The following TSGA10 variants were observed in gnomAD, a reference collection of about 807,000 sequenced individuals.
The protein encoded by TSGA10 is testis-specific gene 10 protein.
TSGA10 carries 43 observed loss-of-function variants against 96.6 expected under a neutral mutation model. That is an observed-to-expected ratio of 0.44 (90% confidence interval 0.35 to 0.57). TSGA10 has a LOEUF of 0.57. Among genes scored for constraint, TSGA10 ranks in the 20% least tolerant of loss-of-function variants. The pLI is 0.01. For synonymous variants in TSGA10, 229 were observed against 269.9 expected, an observed-to-expected ratio of 0.85 and a Z score of 1.48; for missense variants, 703 against 834.4, an observed-to-expected ratio of 0.84 and a Z score of 1.94.
intron 16 of TSGA10, among the ~76,000 whole-genome samples, chr2:99,059,049 AATATAT>A (rs58675400): frequency 2.2e-5 from 3 of 136,400 alleles, no homozygotes; most frequent in Non-Finnish European, 4.6e-5. Flanking sequence ...AAAAAAAAAT[AATATAT>A]ATATATATAT....
intron 16 of TSGA10, among the ~76,000 whole-genome samples, chr2:99,045,339 G>A (rs565585457): frequency 6.6e-6 from 1 of 152,104 alleles, no homozygotes; most frequent in Non-Finnish European, 1.5e-5. Context: ...AGAAAGAAAG[G>A]TCGGGTTACC....
intron 20 of TSGA10, among the ~76,000 whole-genome samples, chr2:99,012,152 CA>C (rs1273546264): frequency 6.6e-6 from 1 of 152,090 alleles, no homozygotes; most frequent in Non-Finnish European, 1.5e-5. Context: ...ACCAGCACTA[CA>C]AGAACTGTTT....
chr2:99,003,774 C>T (rs149725084), intron 20 of TSGA10, among the ~76,000 whole-genome samples: 2,637 of 152,190 alleles, frequency 0.017, 108 homozygotes, highest in South Asian at 0.16. Context: ...CACAACATAC[C>T]AGAATATCTG....
intron 16 of TSGA10, among the ~76,000 whole-genome samples, chr2:99,063,639 C>A (rs1343689295): frequency 2.0e-5 from 3 of 151,684 alleles, no homozygotes; most frequent in Middle Eastern, 3.4e-3. Context: ...CCCATCTCTA[C>A]TAAATACAAA....
At chr2:99,008,099 C>G (rs1163100857) in intron 20 of TSGA10, among the ~76,000 whole-genome samples, 1 of 152,006 alleles carries the variant, frequency 6.6e-6, no homozygotes, top group Non-Finnish European at 1.5e-5. Context: ...TAAAAATATA[C>G]AAGTACTAAA....
At chr2:99,086,328 G>A (rs2088379747) in intron 10 of TSGA10, among the ~76,000 whole-genome samples, 1 of 152,172 alleles carries the variant, frequency 6.6e-6, no homozygotes, top group Non-Finnish European at 1.5e-5. Context: ...GCATAAACAT[G>A]TATGTTAAAA....
chr2:99,075,065 A>T (rs1054413530), intron 12 of TSGA10, among the ~76,000 whole-genome samples: 1 of 152,150 alleles, frequency 6.6e-6, no homozygotes, highest in Non-Finnish European at 1.5e-5. Flanking sequence ...CTCTAGAAAC[A>T]TTGTAAAGTA....
intron 10 of TSGA10, among the ~76,000 whole-genome samples, chr2:99,087,215 A>AT (rs201205791): frequency 0.017 from 2,628 of 151,272 alleles, 86 homozygotes; most frequent in African/African-American, 0.059. Context: ...AAAAAAAAAA[A>AT]TTTTTTTTAG....
chr2:99,014,169 A>G (rs1233144519), intron 20 of TSGA10, among the ~76,000 whole-genome samples: 2 of 151,162 alleles, frequency 1.3e-5, no homozygotes, highest in Admixed American at 1.3e-4. Flanking sequence ...AAATAAATAA[A>G]TAAATAAAAA....
intron 20 of TSGA10, among the ~76,000 whole-genome samples, chr2:99,006,037 T>A (rs1233594594): frequency 2.0e-5 from 3 of 152,120 alleles, no homozygotes; most frequent in Non-Finnish European, 4.4e-5. Flanking sequence ...AAACAAGAAA[T>A]GGGGAAAGGA....
chr2:99,092,143 T>C (rs778675624), intron 10 of TSGA10, among the ~76,000 whole-genome samples: 3 of 152,082 alleles, frequency 2.0e-5, no homozygotes, highest in Admixed American at 1.3e-4. Context: ...TTCAAAACCA[T>C]GCAAATACAT....
At chr2:99,047,273 A>G (rs1446337476) in intron 16 of TSGA10, among the ~76,000 whole-genome samples, 1 of 152,216 alleles carries the variant, frequency 6.6e-6, no homozygotes, top group Non-Finnish European at 1.5e-5. Context: ...ACAACAAAAA[A>G]AGGATAATTT....
intron 1 of TSGA10, among the ~76,000 whole-genome samples, chr2:99,136,905 C>G (rs2093350981): frequency 6.7e-6 from 1 of 148,532 alleles, no homozygotes; most frequent in Admixed American, 6.8e-5. Flanking sequence ...TCCAAAAGAA[C>G]TATGAACATA....
At chr2:99,001,123 G>T (rs1264557675) in intron 20 of TSGA10, among the ~76,000 whole-genome samples, 1 of 152,176 alleles carries the variant, frequency 6.6e-6, no homozygotes, top group Non-Finnish European at 1.5e-5. Flanking sequence ...GAGAGCAGTG[G>T]TTCTCCCAGC....
chr2:99,135,891 C>T (rs1371774537), intron 1 of TSGA10, among the ~76,000 whole-genome samples: 1 of 151,966 alleles, frequency 6.6e-6, no homozygotes, highest in African/African-American at 2.4e-5. Flanking sequence ...CACCTATAAT[C>T]CCAGCTACTC....
At chr2:99,061,258 A>G (rs1045754576) in intron 16 of TSGA10, among the ~76,000 whole-genome samples, 22 of 152,236 alleles carry the variant, frequency 1.4e-4, no homozygotes, top group African/African-American at 5.1e-4. Context: ...AGATAGACTC[A>G]TGACCAGTAA....
intron 20 of TSGA10, among the ~76,000 whole-genome samples, chr2:99,005,194 T>C (rs1360921299): frequency 6.6e-6 from 1 of 152,230 alleles, no homozygotes; most frequent in Non-Finnish European, 1.5e-5. Flanking sequence ...TCATACTGAA[T>C]GGGCAAAAAC....
chr2:98,999,386 G>A (rs1057042177), intron 20 of TSGA10, among the ~76,000 whole-genome samples: 9 of 152,148 alleles, frequency 5.9e-5, no homozygotes, highest in Non-Finnish European at 4.4e-5. Context: ...TGACAACCTG[G>A]GAAAGGCAAA....
intron 16 of TSGA10, among the ~76,000 whole-genome samples, chr2:99,052,689 G>T (rs1438021928): frequency 2.0e-5 from 3 of 151,818 alleles, no homozygotes; most frequent in Non-Finnish European, 4.4e-5. Context: ...AGTGAGCCAA[G>T]ATCGCGCCAC....
Sources: allele counts gnomAD v4.1 joint callset (sites outside exome capture counted in the v4.1 genomes callset), GRCh38; gene constraint gnomAD v4.1.1; transcripts MANE v1.5; gene names NCBI Gene and HGNC (gene_info 2026-07-23, HGNC 2026-07-21).